GDPD5: variants seen among roughly 807,000 people sequenced by gnomAD.
The protein encoded by GDPD5 is glycerophosphodiester phosphodiesterase domain containing 5.
GDPD5 carries 48 observed loss-of-function variants against 75.1 expected under a neutral mutation model. The ratio of observed to expected loss-of-function variants is 0.64; its 90% CI spans 0.51 to 0.81. GDPD5 has a LOEUF of 0.81. Ranked by LOEUF, GDPD5 falls within the 40% of genes least tolerant of loss-of-function variation. The probability of loss-of-function intolerance (pLI) is 0.00; values close to 1 mark genes in which losing one functional copy is unlikely to be tolerated. For missense variants in GDPD5, 706 were observed against 822.6 expected, an observed-to-expected ratio of 0.86 and a Z score of 1.73; for synonymous variants, 336 against 339.0, an observed-to-expected ratio of 0.99 and a Z score of 0.10.
chr11:75,463,713 A>G (rs1409213657), intron 3 of GDPD5, among the ~76,000 whole-genome samples: 1 of 152,200 alleles, frequency 6.6e-6, no homozygotes, highest in African/African-American at 2.4e-5. Flanking sequence ...AGGCAGCCCT[A>G]CGTCTGAGCT....
chr11:75,451,249 C>G (rs1241876884), intron 6 of GDPD5: 1 of 152,236 alleles, frequency 6.6e-6, no homozygotes, highest in African/African-American at 2.4e-5. Context: ...AACAAATGTT[C>G]CCCCAAGAGA....
At chr11:75,467,274 G>A (rs897684571) in intron 3 of GDPD5, among the ~76,000 whole-genome samples, 3 of 152,222 alleles carry the variant, frequency 2.0e-5, no homozygotes, top group Non-Finnish European at 4.4e-5. Context: ...TCCCTCGGAG[G>A]GAGGCTGTTA....
intron 13 of GDPD5, 114 bp downstream of exon 13, chr11:75,441,532 C>T (rs1394535042): frequency 9.0e-6 from 11 of 1,226,746 alleles, no homozygotes; most frequent in East Asian, 7.8e-5. Context: ...GTGCCCATCC[C>T]TCTGCCCGAC....
chr11:75,439,109 C>T (rs1046986509), intron 15 of GDPD5, among the ~76,000 whole-genome samples: 1 of 152,164 alleles, frequency 6.6e-6, no homozygotes, highest in African/African-American at 2.4e-5. Flanking sequence ...CTGGTCCCCA[C>T]CTGCAGAAAC....
In GDPD5 at chr11:75,485,956, G is replaced by A. The variant is rs918869913; in HGVS notation, c.-61+4281C>T. On this transcript the variant is annotated intron_variant, in intron 2 of 16. Coordinates refer to ENST00000336898, the MANE Select transcript of GDPD5 (RefSeq NM_030792.8). Reference sequence around the variant, plus strand: ...AGAGACACCCCCCTTCTCCTTGGCCGTGGCTGCCCTCGCGGGGCCTCAACC... The same window carrying A: ...AGAGACACCCCCCTTCTCCTTGGCCATGGCTGCCCTCGCGGGGCCTCAACC... 3.9e-5 allele frequency among the ~76,000 whole-genome samples: 6 copies of A among 152,308 alleles called. No individual in the cohort carries two copies. The South Asian group carries it at 1.0e-3, about 26-fold the overall frequency.
Position 75,462,418 on chromosome 11 carries a change from C to T in GDPD5, c.221+368G>A, listed in dbSNP as rs1382082668. On this transcript the variant is annotated intron_variant, in intron 4 of 16. Transcript: ENST00000336898. The stretch of plus-strand genomic sequence containing the variant: ...AAGTTCCCCAGGTTTCAATCCCAGT[C>T]ATTCTTTAAGGCCCAGTTCCCATGC... 2.0e-5 allele frequency among the ~76,000 whole-genome samples: 3 copies of T among 152,328 alleles called. No homozygotes were observed. The East Asian group carries it at 5.8e-4, about 29-fold the overall frequency.
At chr11:75,524,185 T>A (rs963859694) in intron 1 of GDPD5, among the ~76,000 whole-genome samples, 3 of 152,252 alleles carry the variant, frequency 2.0e-5, no homozygotes, top group Admixed American at 2.0e-4. Flanking sequence ...GGCAGAGGTA[T>A]CCTGCAGGTT....
In GDPD5 at chr11:75,435,273, C is replaced by T. The variant is rs1948595369; in HGVS notation, c.*234G>A. On this transcript the variant is annotated 3_prime_UTR_variant, in exon 17 of 17. Transcript: ENST00000336898. ...ACCAAGCCCTAGGCCCCATACTTCC[C>T]AGAAGGAGCCCCAGGCCTGCAGGGG... is the stretch of plus-strand genomic sequence containing the variant. 2.2e-6 allele frequency: 1 copy of T among 460,690 alleles called. No homozygotes were observed. The highest frequency in any genetic ancestry group is 3.3e-5 in the East Asian group (1 of 30,310). 28.5% of individuals were successfully genotyped at this position (460,690 alleles called of 1,614,324 possible).
At chr11:75,506,271 C>G (rs575415997) in intron 1 of GDPD5, among the ~76,000 whole-genome samples, 1 of 152,222 alleles carries the variant, frequency 6.6e-6, no homozygotes, top group African/African-American at 2.4e-5. Context: ...ACACTCCCCC[C>G]AGGAACACTG....
intron 1 of GDPD5, among the ~76,000 whole-genome samples, chr11:75,505,641 A>G (rs1950380469): frequency 6.6e-6 from 1 of 152,204 alleles, no homozygotes; most frequent in Non-Finnish European, 1.5e-5. Context: ...TCAAAAGACC[A>G]GGAATCTGGA....
At chr11:75,446,200 C>A (rs1948983742) in intron 9 of GDPD5, among the ~76,000 whole-genome samples, 1 of 152,230 alleles carries the variant, frequency 6.6e-6, no homozygotes, top group Admixed American at 6.5e-5. Context: ...GTTGCGAAGA[C>A]CCTCAGGGCA....
rs191138975 is a variant in GDPD5 at position 75,474,930 on chromosome 11, C to T, written c.117+2689G>A. ...AAACTCTCACTTAAACCCACATCTT[C>T]AACACACGCTATCTTCCCTAGTCTC... On this transcript the variant is annotated intron_variant, in intron 3 of 16. Coordinates refer to ENST00000336898, the MANE Select transcript of GDPD5 (RefSeq NM_030792.8). 8.5e-5 allele frequency among the ~76,000 whole-genome samples: 13 copies of T among 152,368 alleles called. No individual in the cohort carries two copies. In the East Asian group the frequency reaches 2.1e-3, roughly 25 times the overall value.
intron 3 of GDPD5, among the ~76,000 whole-genome samples, chr11:75,475,482 C>T (rs1949759439): frequency 6.6e-6 from 1 of 152,242 alleles, no homozygotes; most frequent in Non-Finnish European, 1.5e-5. Context: ...CACTAGGTCG[C>T]TATTCCTTCG....
chr11:75,486,410 C>A (rs562449640), intron 2 of GDPD5, among the ~76,000 whole-genome samples: 1 of 152,316 alleles, frequency 6.6e-6, no homozygotes, highest in Non-Finnish European at 1.5e-5. Flanking sequence ...TGCCCAAGGG[C>A]CTCCACCATC....
chr11:75,519,677 A>G (rs1217413844), intron 1 of GDPD5, among the ~76,000 whole-genome samples: 2 of 152,314 alleles, frequency 1.3e-5, no homozygotes, highest in East Asian at 3.9e-4. Context: ...AAGCCCAAAG[A>G]GGTTAAATCA....
At chr11:75,449,791 C>T (rs910245689) in intron 7 of GDPD5, 94 bp downstream of exon 7, 150 of 1,365,886 alleles carry the variant, frequency 1.1e-4, no homozygotes, top group Middle Eastern at 3.6e-4. Flanking sequence ...TGACCCTGGG[C>T]GCCTCCCTGC....
chr11:75,478,770 G>A (rs956172909), intron 2 of GDPD5, among the ~76,000 whole-genome samples: 6 of 152,270 alleles, frequency 3.9e-5, no homozygotes, highest in South Asian at 2.1e-4. Flanking sequence ...ACCAGGCACC[G>A]TGTAAATACT....
At chr11:75,492,124 G>T (rs1385023438) in intron 1 of GDPD5, among the ~76,000 whole-genome samples, 3 of 152,214 alleles carry the variant, frequency 2.0e-5, no homozygotes, top group Non-Finnish European at 4.4e-5. Context: ...GGCTGCCCTG[G>T]AAACTACCTG....
chr11:75,509,651 C>T (rs916384890), intron 1 of GDPD5, among the ~76,000 whole-genome samples: 2 of 152,130 alleles, frequency 1.3e-5, no homozygotes, highest in Admixed American at 6.6e-5. Flanking sequence ...GACAAGAAGG[C>T]GGAGGCTCAG....
Sources: allele counts gnomAD v4.1 joint callset (sites outside exome capture counted in the v4.1 genomes callset), GRCh38; gene constraint gnomAD v4.1.1; transcripts MANE v1.5; gene names NCBI Gene and HGNC (gene_info 2026-07-23, HGNC 2026-07-21).